Variants in CHRNA5 observed in about 807,000 individuals in gnomAD.
The protein encoded by CHRNA5 is cholinergic receptor nicotinic alpha 5 subunit.
CHRNA5 carries 28 observed loss-of-function variants against 41.2 expected under a neutral mutation model. That is an observed-to-expected ratio of 0.68 (90% CI 0.50 to 0.93). The LOEUF (loss-of-function observed/expected upper bound fraction) is 0.93, where lower values mean the gene tolerates loss of function less well. CHRNA5 is among the 40% of genes least tolerant of loss of function. CHRNA5 has a pLI of 0.00. For missense variants in CHRNA5, 481 were observed against 581.9 expected, an observed-to-expected ratio of 0.83 and a Z score of 1.78; for synonymous variants, 188 against 205.8, an observed-to-expected ratio of 0.91 and a Z score of 0.74.
chr15:78,588,170 T>C lies in CHRNA5; in HGVS notation c.304-144T>C, dbSNP rs561059455. Reference sequence around the variant, plus strand: ...AGGGGACAGGGTTATCTGGTGCCCATAATAAGAAAGACAGGGAGGTGTTCT... The same window carrying C: ...AGGGGACAGGGTTATCTGGTGCCCACAATAAGAAAGACAGGGAGGTGTTCT... On this transcript the variant is annotated intron_variant, in intron 3 of 5. Coordinates refer to ENST00000299565, the Ensembl canonical transcript of CHRNA5. This position sits in a 1 kb window ranked among gnomAD's most constrained non-coding sequence, Gnocchi z 4.1. The C allele has an allele frequency of 1.3e-5, 6 of 473,800 alleles. No individual in the cohort carries two copies. In the East Asian group the frequency reaches 1.7e-4, roughly 13 times the overall value. 29.3% of individuals were successfully genotyped at this position (473,800 alleles called of 1,614,324 possible).
chr15:78,581,052 T>C (rs1240916686), intron 2 of CHRNA5, 90 bp downstream of exon 2: 12 of 1,347,516 alleles, frequency 8.9e-6, no homozygotes, highest in African/African-American at 1.5e-5. Context: ...CACCAAGGAT[T>C]ACAAAGGTGA....
chr15:78,586,983 A>G (rs976293265), intron 3 of CHRNA5, among the ~76,000 whole-genome samples: 10 of 152,232 alleles, frequency 6.6e-5, no homozygotes, highest in East Asian at 1.9e-4. Context: ...TCACACTGCT[A>G]TAAGGACATA....
intron 1 of CHRNA5, among the ~76,000 whole-genome samples, chr15:78,576,912 A>G (rs1281851846): frequency 6.6e-6 from 1 of 152,210 alleles, no homozygotes; most frequent in Non-Finnish European, 1.5e-5. Context: ...AACTATTTAA[A>G]ACAACTTCTA....
intron 1 of CHRNA5, 138 bp from the exon 2 acceptor site, chr15:78,580,673 A>G (rs72648880): frequency 6.2e-5 from 32 of 517,314 alleles, no homozygotes; most frequent in Middle Eastern, 5.4e-4. Context: ...GTCTCTCTCC[A>G]TGGCCCAGGT....
chr15:78,591,475 T>C (rs1448726084), intron 5 of CHRNA5, among the ~76,000 whole-genome samples: 5 of 152,068 alleles, frequency 3.3e-5, no homozygotes, highest in Non-Finnish European at 7.4e-5. Flanking sequence ...TTGTGTATTA[T>C]TTTAAACCTA....
In CHRNA5 at chr15:78,579,865, G is replaced by A. The variant is rs187943108; in HGVS notation, c.107-946G>A. Among the ~76,000 whole-genome samples the A allele has an allele frequency of 9.1e-4, 138 of 152,152 alleles. 2 individuals are homozygous for A. In the East Asian group the frequency reaches 0.021, roughly 23 times the overall value. On this transcript the variant is annotated intron_variant, in intron 1 of 5. Transcript: ENST00000299565. Reference sequence around the variant, plus strand: ...GGACAGCATGCTATCTGCTATCTTCGAGTTCTTCCTTCCTTATTCCCTAAA... The same window carrying A: ...GGACAGCATGCTATCTGCTATCTTCAAGTTCTTCCTTCCTTATTCCCTAAA...
chr15:78,575,448 T>C (rs943621384), intron 1 of CHRNA5, among the ~76,000 whole-genome samples: 5 of 152,320 alleles, frequency 3.3e-5, no homozygotes, highest in East Asian at 1.9e-4. Context: ...TTCTGAGATA[T>C]GTGGTTTATA....
chr15:78,578,465 C>A (rs1301679844), intron 1 of CHRNA5, among the ~76,000 whole-genome samples: 1 of 152,198 alleles, frequency 6.6e-6, no homozygotes, highest in East Asian at 1.9e-4. Context: ...CGAGATCACA[C>A]CACTGCACTC....
At chr15:78,584,564 G>T (rs892234861) in intron 2 of CHRNA5, among the ~76,000 whole-genome samples, 17 of 152,110 alleles carry the variant, frequency 1.1e-4, no homozygotes, top group Non-Finnish European at 2.4e-4. Flanking sequence ...ACATCTTAGG[G>T]GCCATTTGTG....
chr15:78,567,888 A>G (rs887053284), intron 1 of CHRNA5, among the ~76,000 whole-genome samples: 18 of 152,170 alleles, frequency 1.2e-4, no homozygotes, highest in Non-Finnish European at 2.9e-5. Flanking sequence ...AACTGTTAAT[A>G]TGCATTTGTG....
At chr15:78,576,621 A>AAAAT (rs72366880) in intron 1 of CHRNA5, among the ~76,000 whole-genome samples, 2 of 151,478 alleles carry the variant, frequency 1.3e-5, no homozygotes, top group African/African-American at 2.4e-5. Context: ...GTCTCTACAA[A>AAAAT]AAATAAATAA....
chr15:78,590,881 A>T (rs922100651), intron 5 of CHRNA5: 1 of 475,394 alleles, frequency 2.1e-6, no homozygotes, highest in Non-Finnish European at 3.7e-6. Context: ...ATCTTGGATA[A>T]CTCTAAAGAA....
Position 78,580,963 on chromosome 15 carries a change from G to C in CHRNA5, c.258+1G>C, listed in dbSNP as rs1211068988. 3.7e-6 allele frequency: 6 copies of C among 1,611,824 alleles called. No individual in the cohort carries two copies. The South Asian group carries it at 6.6e-5, about 18-fold the overall frequency. On this transcript the variant is annotated splice_donor_variant, in intron 2 of 5. Transcript: ENST00000299565. LOFTEE classifies it high-confidence loss of function. The stretch of plus-strand genomic sequence containing the variant: ...TGCAATATCTCAATTGGTGGATGTG[G>C]TAGGTGTGCATATCCTTCTATAGTC...
chr15:78,590,023 A>AT lies in CHRNA5; in HGVS notation c.639dup (p.Asp214Ter), dbSNP rs1202847637. ...GAGGACCAAGATGTAGACAAGAGAG[A>AT]TTTTTTTGATAATGGAGAATGGGAG... On this transcript the variant is annotated frameshift_variant, in exon 5 of 6. Coordinates refer to ENST00000299565, the Ensembl canonical transcript of CHRNA5. LOFTEE classifies it high-confidence loss of function. The AT allele has an allele frequency of 1.2e-6, 2 of 1,613,976 alleles. No individual in the cohort carries two copies. Among genetic ancestry groups the AT allele is most frequent in the African/African-American group, 1.3e-5 (1 of 74,916 alleles).
At chr15:78,569,399 G>A (rs2052778710) in intron 1 of CHRNA5, among the ~76,000 whole-genome samples, 1 of 151,282 alleles carries the variant, frequency 6.6e-6, no homozygotes, top group Admixed American at 6.6e-5. Context: ...TATTAAATAA[G>A]CATGTCGACA....
rs539401509 is a variant in CHRNA5 at position 78,591,655 on chromosome 15, CT to C, written c.1245+1026del. Among the ~76,000 whole-genome samples the C allele has an allele frequency of 8.7e-4, 133 of 152,220 alleles. 1 individual carries two copies. Among genetic ancestry groups the C allele is most frequent in the African/African-American group, 3.0e-3 (124 of 41,548 alleles). On this transcript the variant is annotated intron_variant, in intron 5 of 5. Coordinates refer to ENST00000299565, the Ensembl canonical transcript of CHRNA5. ...ACATTTGATGTATATATTTTTAAAA[CT>C]TTTTTTCATATGTTAATGATTTAAT...
At chr15:78,579,974 T>A (rs1274508654) in intron 1 of CHRNA5, among the ~76,000 whole-genome samples, 3 of 152,182 alleles carry the variant, frequency 2.0e-5, no homozygotes, top group Non-Finnish European at 4.4e-5. Flanking sequence ...AATATTTATA[T>A]ATTTTCATAT....
rs536248411 is a variant in CHRNA5 at position 78,582,525 on chromosome 15, G to A, written c.258+1563G>A. On this transcript the variant is annotated intron_variant, in intron 2 of 5. Transcript: ENST00000299565. The stretch of plus-strand genomic sequence containing the variant: ...AGAAAAGAAAAAGTAAGGTGGGTGG[G>A]GCTTGCTCTCAAAGATCTTTCTGGT... Among the ~76,000 whole-genome samples the A allele has an allele frequency of 5.3e-5, 8 of 151,916 alleles. No homozygotes were observed. The South Asian group carries it at 1.7e-3, about 32-fold the overall frequency.
intron 1 of CHRNA5, among the ~76,000 whole-genome samples, chr15:78,575,650 C>A (rs1033316050): frequency 1.3e-5 from 2 of 152,166 alleles, no homozygotes; most frequent in Admixed American, 1.3e-4. Flanking sequence ...CTATCAGTTA[C>A]CATTACTTTA....
Sources: allele counts gnomAD v4.1 joint callset (sites outside exome capture counted in the v4.1 genomes callset), GRCh38; gene constraint gnomAD v4.1.1; non-coding constraint Gnocchi (gnomAD v3.1); transcripts MANE v1.5; gene names NCBI Gene and HGNC (gene_info 2026-07-23, HGNC 2026-07-21).